Variants in FAM107B observed in about 807,000 individuals in gnomAD.
FAM107B encodes the protein family with sequence similarity 107 member B, also known as protein FAM107B.
FAM107B carries 21 observed loss-of-function variants against 31.5 expected under a neutral mutation model. The observed-to-expected ratio is 0.67, with a 90% CI of 0.47 to 0.96. FAM107B has a LOEUF of 0.96. Among genes scored for constraint, FAM107B ranks in the 40% least tolerant of loss-of-function variants. The pLI is 0.00. For missense variants in FAM107B, 452 were observed against 377.1 expected, an observed-to-expected ratio of 1.20 and a Z score of -1.64; for synonymous variants, 157 against 141.5, an observed-to-expected ratio of 1.11 and a Z score of -0.78.
At chr10:14,728,332 T>G (rs895410693) in intron 1 of FAM107B, among the ~76,000 whole-genome samples, 16 of 149,638 alleles carry the variant, frequency 1.1e-4, no homozygotes, top group Non-Finnish European at 1.8e-4. Context: ...GTATAAGGGG[T>G]GTGTGTGTGT....
intron 1 of FAM107B, chr10:14,723,965 C>T (rs530118695): frequency 2.7e-6 from 2 of 749,854 alleles, no homozygotes; most frequent in South Asian, 1.3e-5. Flanking sequence ...ATTTGGAAGT[C>T]AAGGTTAGTG....
In FAM107B at chr10:14,591,124, G is replaced by A. The variant is rs925441321; in HGVS notation, c.470-60609C>T. 2.6e-5 allele frequency among the ~76,000 whole-genome samples: 4 copies of A among 151,950 alleles called. No homozygotes were observed. The East Asian group carries it at 7.8e-4, about 29-fold the overall frequency. ...GACTGATCTTTTATAAGAAAAGACTGAGCATGAATGTCTCCTTACAAGTCA... is the reference window on the plus strand; with the variant it reads ...GACTGATCTTTTATAAGAAAAGACTAAGCATGAATGTCTCCTTACAAGTCA... On this transcript the variant is annotated intron_variant, in intron 2 of 4. Coordinates refer to ENST00000181796, the MANE Select transcript of FAM107B (RefSeq NM_031453.4).
intron 2 of FAM107B, among the ~76,000 whole-genome samples, chr10:14,570,351 G>A (rs1185964287): frequency 1.3e-5 from 2 of 152,056 alleles, no homozygotes; most frequent in South Asian, 2.1e-4. Flanking sequence ...GTTACACAGT[G>A]TATGTAGCAA....
At chr10:14,725,094 A>G (rs770969689) in intron 1 of FAM107B, among the ~76,000 whole-genome samples, 2 of 152,226 alleles carry the variant, frequency 1.3e-5, no homozygotes, top group African/African-American at 4.8e-5. Context: ...CCTGAGGACC[A>G]GATGCCTTTG....
chr10:14,704,019 G>T (rs1855464942), intron 1 of FAM107B, among the ~76,000 whole-genome samples: 1 of 152,318 alleles, frequency 6.6e-6, no homozygotes, highest in East Asian at 1.9e-4. Context: ...CTCCCAGTGG[G>T]TATTAAGTGA....
chr10:14,587,188 A>G (rs10796206), intron 2 of FAM107B, among the ~76,000 whole-genome samples: 152,206 of 152,288 alleles, frequency 1, 76,063 homozygotes, highest in Middle Eastern at 1. Flanking sequence ...ACGACATGCC[A>G]CCTAGGTCTA....
At chr10:14,557,654 C>T (rs536756741) in intron 2 of FAM107B, among the ~76,000 whole-genome samples, 4 of 152,352 alleles carry the variant, frequency 2.6e-5, no homozygotes, top group South Asian at 2.1e-4. Context: ...GGTTAACATT[C>T]GAAGTGCTTA....
At chr10:14,655,875 G>A (rs1449053504) in intron 2 of FAM107B, among the ~76,000 whole-genome samples, 1 of 152,150 alleles carries the variant, frequency 6.6e-6, no homozygotes, top group East Asian at 1.9e-4. Context: ...ATCAGGGATT[G>A]GGTGACAATT....
chr10:14,628,112 G>GGTTT (rs1440347763), intron 2 of FAM107B, among the ~76,000 whole-genome samples: 1 of 92,676 alleles, frequency 1.1e-5, no homozygotes, highest in African/African-American at 3.9e-5. Flanking sequence ...TGTTTTGCTG[G>GGTTT]TTTTTTTTTT....
chr10:14,566,970 T>G (rs1850723318), intron 2 of FAM107B, among the ~76,000 whole-genome samples: 1 of 152,008 alleles, frequency 6.6e-6, no homozygotes, highest in African/African-American at 2.4e-5. Flanking sequence ...GCTAACACAG[T>G]AAAACCCCGT....
chr10:14,731,299 C>A (rs537585763), intron 1 of FAM107B, among the ~76,000 whole-genome samples: 68 of 152,292 alleles, frequency 4.5e-4, no homozygotes, highest in African/African-American at 1.5e-3. Context: ...TGGTGGCTCA[C>A]GCCTGTAATC....
intron 1 of FAM107B, among the ~76,000 whole-genome samples, chr10:14,759,670 T>C (rs1468727043): frequency 6.6e-6 from 1 of 152,204 alleles, no homozygotes; most frequent in East Asian, 1.9e-4. Context: ...GATAAACCAA[T>C]AAAATCAAAA....
At chr10:14,533,260 A>T (rs1200848075) in intron 2 of FAM107B, among the ~76,000 whole-genome samples, 1 of 152,106 alleles carries the variant, frequency 6.6e-6, no homozygotes, top group African/African-American at 2.4e-5. Flanking sequence ...GTAGGCGGAG[A>T]GCCTGATTCA....
In FAM107B at chr10:14,669,440, C is replaced by A. The variant is rs115692995; in HGVS notation, c.412-1749G>T. Among the ~76,000 whole-genome samples the A allele has an allele frequency of 2.3e-3, 347 of 151,294 alleles. 1 individual carries two copies. Among genetic ancestry groups the A allele is most frequent in the African/African-American group, 5.9e-3 (243 of 41,226 alleles). Reference sequence around the variant, plus strand: ...TCAGTATATCAAAGGGATATCTGCACGCCCATATTTATTTGAGCACTATTC... The same window carrying A: ...TCAGTATATCAAAGGGATATCTGCAAGCCCATATTTATTTGAGCACTATTC... On this transcript the variant is annotated intron_variant, in intron 1 of 4. Transcript: ENST00000181796.
chr10:14,717,814 G>A (rs1192175007), intron 1 of FAM107B, among the ~76,000 whole-genome samples: 1 of 152,008 alleles, frequency 6.6e-6, no homozygotes, highest in African/African-American at 2.4e-5. Flanking sequence ...CAATCAAGTC[G>A]ACACCTAATA....
intron 2 of FAM107B, among the ~76,000 whole-genome samples, chr10:14,662,906 T>C (rs1352732098): frequency 6.6e-6 from 1 of 152,078 alleles, no homozygotes; most frequent in African/African-American, 2.4e-5. Flanking sequence ...TTTGAGTCAG[T>C]GGATTAGGAG....
At chr10:14,644,760 A>T (rs950799859) in intron 2 of FAM107B, among the ~76,000 whole-genome samples, 1 of 152,220 alleles carries the variant, frequency 6.6e-6, no homozygotes, top group South Asian at 2.1e-4. Flanking sequence ...AAGTATTGGT[A>T]TGAGTGTGCT....
intron 2 of FAM107B, among the ~76,000 whole-genome samples, chr10:14,641,263 A>C (rs898733941): frequency 2.0e-5 from 3 of 152,226 alleles, no homozygotes; most frequent in Non-Finnish European, 4.4e-5. Context: ...CGATTTTGAC[A>C]GATAAATGGA....
chr10:14,559,112 A>AC (rs1849990935), intron 2 of FAM107B, among the ~76,000 whole-genome samples: 7 of 68,916 alleles, frequency 1.0e-4, no homozygotes, highest in African/African-American at 1.3e-4. Flanking sequence ...AAAAAAAAAA[A>AC]AAAAACAAAA....
Sources: gnomAD v4.1 joint callset for allele counts (sites outside exome capture counted in the v4.1 genomes callset) on GRCh38, gnomAD v4.1.1 for gene constraint, MANE v1.5 for transcripts, NCBI Gene and HGNC (gene_info 2026-07-23, HGNC 2026-07-21) for gene names.